SLC6A5: variants seen among roughly 807,000 people sequenced by gnomAD.
SLC6A5 encodes the protein sodium- and chloride-dependent glycine transporter 2.
A neutral mutation model predicts 90.5 loss-of-function variants in SLC6A5; 58 were observed. The ratio of observed to expected loss-of-function variants is 0.64; its 90% CI spans 0.52 to 0.80. The LOEUF is 0.80. Among genes scored for constraint, SLC6A5 ranks in the 30% least tolerant of loss-of-function variants. The pLI is 0.00. For missense variants in SLC6A5, 1,015 were observed against 1,017.6 expected, an observed-to-expected ratio of 1.00 and a Z score of 0.03; for synonymous variants, 427 against 401.4, an observed-to-expected ratio of 1.06 and a Z score of -0.76.
intron 5 of SLC6A5, among the ~76,000 whole-genome samples, chr11:20,614,118 C>T (rs1304900586): frequency 1.3e-5 from 2 of 152,160 alleles, no homozygotes; most frequent in African/African-American, 2.4e-5. Context: ...AGAGTACTTA[C>T]TAAATGTGGT....
At position 20,636,538 on chromosome 11, in the gene SLC6A5, C is replaced by A. The variant is rs772006259; in HGVS notation, c.1737+119C>A. The A allele has an allele frequency of 1.5e-5, 11 of 732,524 alleles. No individual in the cohort carries two copies. The East Asian group carries it at 2.4e-4, about 16-fold the overall frequency. The allele number at this position is 732,524 out of a possible 1,614,324, so 45.4% of individuals were successfully genotyped here. ...CTTACGGGTGTCTGAATGTTTCTCC[C>A]GAGAGATCTAGAGATGCTGAAGTGC... On this transcript the variant is annotated intron_variant, in intron 11 of 15. Coordinates refer to ENST00000525748, the MANE Select transcript of SLC6A5 (RefSeq NM_004211.5).
At chr11:20,600,496 A>C (rs1852449603) in intron 1 of SLC6A5, among the ~76,000 whole-genome samples, 1 of 152,324 alleles carries the variant, frequency 6.6e-6, no homozygotes, top group South Asian at 2.1e-4. Flanking sequence ...TAAGATAACA[A>C]ATCTAGTTAC....
chr11:20,622,503 A>G (rs1894161), intron 7 of SLC6A5, among the ~76,000 whole-genome samples: 151,587 of 152,314 alleles, frequency 1, 75,436 homozygotes, highest in Middle Eastern at 1. Flanking sequence ...ATAGAATGGC[A>G]TTCATGGAAA....
At position 20,652,140 on chromosome 11, in the gene SLC6A5, T is replaced by C. The variant is rs1853545403; in HGVS notation, c.2071-149T>C. The C allele has an allele frequency of 3.9e-6, 3 of 768,150 alleles. No homozygotes were observed. The African/African-American group carries it at 5.2e-5, about 13-fold the overall frequency. 47.6% of individuals were successfully genotyped at this position (768,150 alleles called of 1,614,324 possible). A position where few individuals can be genotyped will look rare whatever the true frequency, so the allele number is the denominator to read the frequency against. On this transcript the variant is annotated intron_variant, in intron 14 of 15. Transcript: ENST00000525748. ...ATCTCTTTGAAATTTAGTTTCTTCA[T>C]TTGAAAAATGGATTAATAATACTAC...
chr11:20,626,939 G>A, intron 8 of SLC6A5, 97 bp downstream of exon 8: 1 of 979,504 alleles, frequency 1.0e-6, no homozygotes, highest in Non-Finnish European at 1.6e-6. Flanking sequence ...GGGAATCCCA[G>A]TGTGTGCTTT....
intron 5 of SLC6A5, among the ~76,000 whole-genome samples, chr11:20,613,235 G>A (rs1481226031): frequency 2.6e-5 from 4 of 152,180 alleles, no homozygotes; most frequent in Admixed American, 6.5e-5. Context: ...CTCATAGGGG[G>A]TGGTGTGAGG....
At chr11:20,648,561 A>G (rs931307918) in intron 14 of SLC6A5, among the ~76,000 whole-genome samples, 4 of 152,180 alleles carry the variant, frequency 2.6e-5, no homozygotes, top group African/African-American at 9.7e-5. Context: ...TGGAATGTAT[A>G]TGAAGAACTT....
Position 20,606,990 on chromosome 11 carries a change from C to A in SLC6A5, c.680-17C>A. The A allele has an allele frequency of 6.2e-7, 1 of 1,613,994 alleles. No individual in the cohort carries two copies. The highest frequency in any genetic ancestry group is 8.5e-7 in the Non-Finnish European group (1 of 1,179,992). ...CTTTTGCCTCCTAGGGCTCTCACTC[C>A]CCACTCTCTTTCCAAGGTGCTTTCC... On this transcript the variant is annotated splice_polypyrimidine_tract_variant and intron_variant, in intron 3 of 15. Transcript: ENST00000525748.
At chr11:20,600,763 A>G (rs1207947154) in intron 1 of SLC6A5, among the ~76,000 whole-genome samples, 1 of 152,166 alleles carries the variant, frequency 6.6e-6, no homozygotes, top group Non-Finnish European at 1.5e-5. Context: ...GAATCTTTCT[A>G]CAGTGGTGAT....
chr11:20,600,334 A>C (rs1004204448), intron 1 of SLC6A5, among the ~76,000 whole-genome samples: 1 of 120,604 alleles, frequency 8.3e-6, no homozygotes, highest in Non-Finnish European at 1.7e-5. Flanking sequence ...AAAGAAGAAG[A>C]GGAAGAAGAA....
At chr11:20,649,061 C>T (rs1304410952) in intron 14 of SLC6A5, among the ~76,000 whole-genome samples, 1 of 152,158 alleles carries the variant, frequency 6.6e-6, no homozygotes, top group African/African-American at 2.4e-5. Flanking sequence ...CTAGTACTTT[C>T]ATCTTCAATT....
At chr11:20,625,407 G>T (rs866066821) in intron 7 of SLC6A5, among the ~76,000 whole-genome samples, 1 of 152,072 alleles carries the variant, frequency 6.6e-6, no homozygotes, top group Non-Finnish European at 1.5e-5. Context: ...GATTATAGGA[G>T]CCTGCCACCA....
chr11:20,652,142 T>C (rs1853545516), intron 14 of SLC6A5, 147 bp from the exon 15 acceptor site: 2 of 773,200 alleles, frequency 2.6e-6, no homozygotes, highest in African/African-American at 1.7e-5. Flanking sequence ...TTTCTTCATT[T>C]GAAAAATGGA....
In SLC6A5 at chr11:20,646,870, T is replaced by A. The variant is rs1233863393; in HGVS notation, c.2006T>A (p.Ile669Asn). ...QRFCEDIEMM[I>N]GFQPNIFWKV... ...TTCTGTGAAGATATAGAGATGATGA[T>A]TGGATTCCAGCCTAACATCTTCTGG... The change falls in exon 14 of 16, where the codon ATT becomes AAT. Residue 669 changes from isoleucine (I) to asparagine (N), a missense_variant. Ile to Asn is a moderately radical substitution (Grantham distance 149, BLOSUM62 -3). Coordinates refer to ENST00000525748, the MANE Select transcript of SLC6A5 (RefSeq NM_004211.5). The A allele has an allele frequency of 6.2e-7, 1 of 1,613,784 alleles. No homozygotes were observed. Among genetic ancestry groups the A allele is most frequent in the Non-Finnish European group, 8.5e-7 (1 of 1,179,778 alleles).
intron 7 of SLC6A5, among the ~76,000 whole-genome samples, chr11:20,618,985 A>G (rs1207635414): frequency 9.0e-6 from 1 of 111,414 alleles, no homozygotes; most frequent in Non-Finnish European, 2.1e-5. Context: ...CACACAAAGA[A>G]AAACCTACTG....
chr11:20,607,167 C>A, intron 4 of SLC6A5, 29 bp downstream of exon 4: 1 of 1,585,152 alleles, frequency 6.3e-7, no homozygotes. Flanking sequence ...TCAGCCTCCT[C>A]AGGCCCTTTC....
chr11:20,634,674 C>G (rs939677180), intron 10 of SLC6A5, among the ~76,000 whole-genome samples: 1 of 152,194 alleles, frequency 6.6e-6, no homozygotes, highest in Non-Finnish European at 1.5e-5. Context: ...CAGAGGCTGG[C>G]TCTACAGTCT....
intron 14 of SLC6A5, among the ~76,000 whole-genome samples, chr11:20,650,205 GA>G (rs1329805960): frequency 5.9e-5 from 9 of 152,292 alleles, no homozygotes; most frequent in African/African-American, 2.2e-4. Flanking sequence ...ATTCTAGGCT[GA>G]TGTTGCTACA....
chr11:20,631,505 A>G (rs988216168), intron 10 of SLC6A5, among the ~76,000 whole-genome samples: 1 of 152,188 alleles, frequency 6.6e-6, no homozygotes, highest in African/African-American at 2.4e-5. Context: ...CACTTAATCC[A>G]TATTACTAGG....
Sources: allele counts gnomAD v4.1 joint callset (sites outside exome capture counted in the v4.1 genomes callset), GRCh38; gene constraint gnomAD v4.1.1; transcripts MANE v1.5; gene names NCBI Gene and HGNC (gene_info 2026-07-23, HGNC 2026-07-21).